The following RGS6 variants were observed in gnomAD, a reference collection of about 807,000 sequenced individuals.
RGS6 encodes regulator of G protein signaling 6, also known as regulator of G-protein signaling 6.
RGS6 carries 30 observed loss-of-function variants against 78.5 expected under a neutral mutation model. The observed-to-expected ratio is 0.38, with a 90% CI of 0.29 to 0.52. The LOEUF (loss-of-function observed/expected upper bound fraction) is 0.52, where lower values mean the gene tolerates loss of function less well. RGS6 is among the 20% of genes least tolerant of loss of function. The pLI, the probability that RGS6 is intolerant of heterozygous loss-of-function variation, is 0.85. For missense variants in RGS6, 495 were observed against 609.7 expected (o/e 0.81, Z 1.98); for synonymous variants, 206 against 206.0 (o/e 1.00, Z 0.00).
chr14:72,473,535 G>A (rs2153332676), intron 9 of RGS6, among the ~76,000 whole-genome samples: 1 of 152,288 alleles, frequency 6.6e-6, no homozygotes. Flanking sequence ...GTGTCCCGAA[G>A]GTTTACATTC....
At chr14:72,255,200 T>C (rs891333865) in intron 2 of RGS6, among the ~76,000 whole-genome samples, 1 of 152,144 alleles carries the variant, frequency 6.6e-6, no homozygotes, top group Non-Finnish European at 1.5e-5. Flanking sequence ...GAAAATGTTC[T>C]TGGGGCTCTG....
Position 72,010,604 on chromosome 14 carries a change from C to T in RGS6, c.84+45729C>T, listed in dbSNP as rs373609963. Among the ~76,000 whole-genome samples the T allele has an allele frequency of 3.2e-4, 48 of 152,232 alleles. No homozygotes were observed. The South Asian group carries it at 9.6e-3, about 30-fold the overall frequency. On this transcript the variant is annotated intron_variant, in intron 2 of 17. Coordinates refer to ENST00000553525, the MANE Select transcript of RGS6 (RefSeq NM_001204424.2). ...TTAAATAAAAATTACAGGGGGCCATCGTTTTGGACTAAGCTTCTGCACTTG... is the reference window on the plus strand; with the variant it reads ...TTAAATAAAAATTACAGGGGGCCATTGTTTTGGACTAAGCTTCTGCACTTG...
chr14:72,321,290 G>A (rs2071938587), intron 2 of RGS6, among the ~76,000 whole-genome samples: 1 of 151,632 alleles, frequency 6.6e-6, no homozygotes, highest in Non-Finnish European at 1.5e-5. Context: ...AGACCAAAGA[G>A]TAGAAGATTT....
intron 2 of RGS6, among the ~76,000 whole-genome samples, chr14:72,042,056 A>AAGTT (rs2092450155): frequency 6.6e-6 from 1 of 152,134 alleles, no homozygotes; most frequent in African/African-American, 2.4e-5. Flanking sequence ...TTTACTGCTT[A>AAGTT]ACTTCTGCCT....
At chr14:72,277,441 C>T (rs2060861060) in intron 2 of RGS6, among the ~76,000 whole-genome samples, 1 of 151,618 alleles carries the variant, frequency 6.6e-6, no homozygotes, top group Admixed American at 6.6e-5. Flanking sequence ...ACTAAAAATA[C>T]AAAAAATGAG....
chr14:71,923,692 A>C, the RGS6 span, among the ~76,000 whole-genome samples: 1 of 152,206 alleles, frequency 6.6e-6, no homozygotes, highest in Non-Finnish European at 1.5e-5. Flanking sequence ...GACACAAAAG[A>C]CTGCATACTC....
intron 3 of RGS6, among the ~76,000 whole-genome samples, chr14:72,445,080 G>C (rs115826338): frequency 6.6e-6 from 1 of 152,226 alleles, no homozygotes; most frequent in Non-Finnish European, 1.5e-5. Context: ...CCTTCTGCCT[G>C]CTGTCCTCTT....
chr14:71,913,321 T>C, the RGS6 span, among the ~76,000 whole-genome samples: 1 of 152,232 alleles, frequency 6.6e-6, no homozygotes, highest in Non-Finnish European at 1.5e-5. Flanking sequence ...AAGGCATATG[T>C]ACTAGCTTCT....
intron 2 of RGS6, among the ~76,000 whole-genome samples, chr14:72,142,929 T>G (rs1313016100): frequency 6.6e-6 from 1 of 152,166 alleles, no homozygotes; most frequent in African/African-American, 2.4e-5. Flanking sequence ...TTAGTATTAT[T>G]CTTAGGAATC....
intron 3 of RGS6, among the ~76,000 whole-genome samples, chr14:72,429,832 G>A (rs1220721337): frequency 6.6e-6 from 1 of 152,194 alleles, no homozygotes; most frequent in African/African-American, 2.4e-5. Flanking sequence ...AGACCAGGAG[G>A]TAACTGAATC....
chr14:72,584,862 G>A, the RGS6 span, among the ~76,000 whole-genome samples: 1 of 152,178 alleles, frequency 6.6e-6, no homozygotes, highest in Non-Finnish European at 1.5e-5. Flanking sequence ...ATTGAGTCAA[G>A]GCTAAAAATG....
intron 1 of RGS6, among the ~76,000 whole-genome samples, chr14:71,960,976 T>C (rs1247379906): frequency 6.6e-6 from 1 of 152,218 alleles, no homozygotes; most frequent in Non-Finnish European, 1.5e-5. Flanking sequence ...AGGATCTGTG[T>C]CTGACTTATC....
the RGS6 span, among the ~76,000 whole-genome samples, chr14:71,885,894 T>A: frequency 6.6e-6 from 1 of 151,608 alleles, no homozygotes; most frequent in East Asian, 1.9e-4. Context: ...TTTCCTTCCT[T>A]CCTTCCTTCT....
the RGS6 span, among the ~76,000 whole-genome samples, chr14:72,588,723 T>G: frequency 6.6e-6 from 1 of 152,238 alleles, no homozygotes; most frequent in African/African-American, 2.4e-5. Context: ...AAGTTACAGT[T>G]GAACTTTCAG....
intron 2 of RGS6, among the ~76,000 whole-genome samples, chr14:72,152,937 T>G (rs1386911798): frequency 6.6e-6 from 1 of 152,130 alleles, no homozygotes; most frequent in African/African-American, 2.4e-5. Context: ...AGAGCCAGAT[T>G]CCTGCTAGTG....
At chr14:72,454,739 C>A (rs925304033) in intron 4 of RGS6, among the ~76,000 whole-genome samples, 161 bp downstream of exon 4, 3 of 152,190 alleles carry the variant, frequency 2.0e-5, no homozygotes, top group African/African-American at 4.8e-5. Flanking sequence ...AATTTATTTT[C>A]TCCACTGAAT....
chr14:72,127,013 G>GA (rs921064433), intron 2 of RGS6, among the ~76,000 whole-genome samples: 5 of 151,884 alleles, frequency 3.3e-5, no homozygotes, highest in Middle Eastern at 3.4e-3. Flanking sequence ...TTACTTGGGA[G>GA]AAAAAAAATT....
At chr14:72,203,590 C>T (rs2042060073) in intron 2 of RGS6, among the ~76,000 whole-genome samples, 1 of 152,168 alleles carries the variant, frequency 6.6e-6, no homozygotes, top group Non-Finnish European at 1.5e-5. Flanking sequence ...TCAAATCCAT[C>T]ATGGCTGTTG....
intron 2 of RGS6, among the ~76,000 whole-genome samples, chr14:72,255,939 T>G (rs2056981768): frequency 6.6e-6 from 1 of 152,256 alleles, no homozygotes; most frequent in African/African-American, 2.4e-5. Context: ...TAGCTTTTCT[T>G]TGTGATTTCA....
Sources: allele counts gnomAD v4.1 joint callset (sites outside exome capture counted in the v4.1 genomes callset), GRCh38; gene constraint gnomAD v4.1.1; transcripts MANE v1.5; gene names NCBI Gene and HGNC (gene_info 2026-07-23, HGNC 2026-07-21).